The following CACNA1C variants were observed in gnomAD, a reference collection of about 807,000 sequenced individuals.
CACNA1C encodes voltage-dependent L-type calcium channel subunit alpha-1C.
A neutral mutation model predicts 229.0 loss-of-function variants in CACNA1C; 30 were observed. That is an observed-to-expected ratio of 0.13 (90% CI 0.10 to 0.18). CACNA1C has a LOEUF of 0.18. Among genes scored for constraint, CACNA1C ranks in the 10% least tolerant of loss-of-function variants. The pLI is 1.00. For missense variants in CACNA1C, 1,658 were observed against 2,845.0 expected, an observed-to-expected ratio of 0.58 and a Z score of 9.49; for synonymous variants, 1,114 against 1,132.5, an observed-to-expected ratio of 0.98 and a Z score of 0.33.
intron 1 of CACNA1C, among the ~76,000 whole-genome samples, chr12:2,113,244 A>G (rs1228426915): frequency 6.6e-6 from 1 of 152,210 alleles, no homozygotes; most frequent in Non-Finnish European, 1.5e-5. Flanking sequence ...GGCTCTCTCT[A>G]GGTGAAAATG....
intron 3 of CACNA1C, among the ~76,000 whole-genome samples, chr12:2,243,131 TTATTACTAATAAGTG>T (rs2071340837): frequency 1.3e-5 from 2 of 152,148 alleles, no homozygotes; most frequent in South Asian, 4.1e-4. Flanking sequence ...CTTATATGGG[TTATTACTAATAAGTG>T]TATGCCCTCC....
chr12:2,038,883 T>C (rs1310916228), intron 1 of CACNA1C, among the ~76,000 whole-genome samples: 2 of 152,076 alleles, frequency 1.3e-5, no homozygotes, highest in Admixed American at 1.3e-4. Context: ...CCAGGTATGT[T>C]GACAGGTGAA....
intron 3 of CACNA1C, among the ~76,000 whole-genome samples, chr12:2,146,396 A>T (rs551029953): frequency 6.6e-6 from 1 of 151,434 alleles, no homozygotes; most frequent in Non-Finnish European, 1.5e-5. Flanking sequence ...TTGTGTGCTC[A>T]TCATAGTAAA....
At chr12:2,027,594 A>T (rs2047554865) in intron 1 of CACNA1C, among the ~76,000 whole-genome samples, 1 of 152,220 alleles carries the variant, frequency 6.6e-6, no homozygotes, top group Non-Finnish European at 1.5e-5. Context: ...TTAAATTTAT[A>T]AATGCCTATG....
At chr12:2,541,393 A>G (rs1332725726) in intron 9 of CACNA1C, among the ~76,000 whole-genome samples, 2 of 152,222 alleles carry the variant, frequency 1.3e-5, no homozygotes, top group Admixed American at 1.3e-4. Context: ...GCTCATATGC[A>G]AAAAATGTAA....
At chr12:2,556,328 C>T (rs2044252536) in intron 10 of CACNA1C, among the ~76,000 whole-genome samples, 1 of 152,200 alleles carries the variant, frequency 6.6e-6, no homozygotes. Context: ...GGCAGCCACC[C>T]TCACACCCAC....
rs191105922 is a variant in CACNA1C, at chr12:2,346,545, A to G, written c.478-102431A>G. The stretch of plus-strand genomic sequence containing the variant: ...CCAGGAAGAGAGTTGCCCCTGTGTT[A>G]GGATGGCTGTGGCTCAGTCACATAC... On this transcript the variant is annotated intron_variant, in intron 3 of 46. Transcript: ENST00000399655. This position sits in a 1 kb window ranked among gnomAD's most constrained non-coding sequence, Gnocchi z 4.4. 1.1e-3 allele frequency among the ~76,000 whole-genome samples: 167 copies of G among 152,240 alleles called. 1 individual carries two copies. The highest frequency in any genetic ancestry group is 1.8e-3 in the Admixed American group (27 of 15,300).
chr12:2,221,547 T>C (rs2154350799), intron 3 of CACNA1C: 1 of 152,354 alleles, frequency 6.6e-6, no homozygotes. Flanking sequence ...AGTGAAAGTC[T>C]TGTCAAGAGT....
chr12:2,357,024 G>A (rs2097388101), intron 3 of CACNA1C, among the ~76,000 whole-genome samples: 1 of 152,110 alleles, frequency 6.6e-6, no homozygotes, highest in South Asian at 2.1e-4. Context: ...TCCTCCATGG[G>A]GTCTTGAAAC....
In CACNA1C at chr12:2,493,347, G is replaced by A. The variant is rs139842134; in HGVS notation, c.1074G>A (p.Gln358=). 1.8e-4 allele frequency: 287 copies of A among 1,614,176 alleles called. No homozygotes were observed. The African/African-American group carries it at 3.5e-3, about 20-fold the overall frequency. The change falls in exon 7 of 47, where the codon CAG becomes CAA. Residue 358 remains glutamine (Q), a synonymous_variant. Transcript: ENST00000399655. The surrounding 1 kb of genome is among the most constrained non-coding windows in gnomAD (Gnocchi z 4.6). ...CCTTCGCCATGCTCACGGTGTTCCA[G>A]TGCATCACCATGGAGGGCTGGACGG... ...NFAFAMLTVF[Q]CITMEGWTDV... is the part of the protein sequence containing the mutation.
intron 3 of CACNA1C, among the ~76,000 whole-genome samples, chr12:2,406,727 C>T (rs73246649): frequency 1.1e-3 from 163 of 152,354 alleles, no homozygotes; most frequent in African/African-American, 3.6e-3. Context: ...GCCACCTAAA[C>T]ATTTTTGTCA....
At chr12:2,056,146 C>T (rs1018374378) in intron 1 of CACNA1C, among the ~76,000 whole-genome samples, 1 of 151,838 alleles carries the variant, frequency 6.6e-6, no homozygotes, top group South Asian at 2.1e-4. Flanking sequence ...TGCACCAGTC[C>T]TTGCTCCCTC....
chr12:2,107,210 TGTCCTGAAGCCGCTGGGC>T (rs1479554547), intron 1 of CACNA1C, among the ~76,000 whole-genome samples: 25 of 132,826 alleles, frequency 1.9e-4, no homozygotes, highest in African/African-American at 6.7e-4. Flanking sequence ...TCAGCTGGGG[TGTCCTGAAGCCGCTGGGC>T]GTCCTTAAGC....
At chr12:2,398,958 T>G (rs2098635623) in intron 3 of CACNA1C, among the ~76,000 whole-genome samples, 1 of 152,162 alleles carries the variant, frequency 6.6e-6, no homozygotes, top group Non-Finnish European at 1.5e-5. Context: ...CAACTGTCAT[T>G]GTCACAGACC....
chr12:2,117,726 A>G (rs1046990404), intron 2 of CACNA1C, among the ~76,000 whole-genome samples: 2 of 152,244 alleles, frequency 1.3e-5, no homozygotes, highest in African/African-American at 4.8e-5. Context: ...CCTGCAGTCC[A>G]GGTGCACTGG....
intron 3 of CACNA1C, among the ~76,000 whole-genome samples, chr12:2,242,892 A>G (rs981630927): frequency 3.3e-5 from 5 of 152,218 alleles, no homozygotes; most frequent in Non-Finnish European, 4.4e-5. Flanking sequence ...TGTGGTTAGC[A>G]GGGGCAAGTG....
At chr12:2,427,399 C>G (rs975046785) in intron 3 of CACNA1C, among the ~76,000 whole-genome samples, 3 of 151,930 alleles carry the variant, frequency 2.0e-5, no homozygotes, top group African/African-American at 7.3e-5. Flanking sequence ...AGTTGGCAAC[C>G]CTGTGTCCAT....
intron 13 of CACNA1C, among the ~76,000 whole-genome samples, chr12:2,581,263 C>G (rs116569987): frequency 0.064 from 9,717 of 152,274 alleles, 1,042 homozygotes; most frequent in African/African-American, 0.22. Flanking sequence ...ACAACAATCT[C>G]CATTTTTTTG....
chr12:2,361,573 T>C (rs1409086473), intron 3 of CACNA1C, among the ~76,000 whole-genome samples: 1 of 152,146 alleles, frequency 6.6e-6, no homozygotes, highest in Admixed American at 6.5e-5. Context: ...AGCAGCCACT[T>C]TGGACCATAA....
Sources: allele counts gnomAD v4.1 joint callset (sites outside exome capture counted in the v4.1 genomes callset), GRCh38; gene constraint gnomAD v4.1.1; non-coding constraint Gnocchi (gnomAD v3.1); transcripts MANE v1.5; gene names NCBI Gene and HGNC (gene_info 2026-07-23, HGNC 2026-07-21).